MAP4: variants seen among roughly 807,000 people sequenced by gnomAD.
MAP4 encodes the protein microtubule associated protein 4.
Under a neutral mutation model 170.2 loss-of-function variants are expected in MAP4, and 76 were observed. That is an observed-to-expected ratio of 0.45 (90% CI 0.37 to 0.54). MAP4 has a LOEUF of 0.54. Among genes scored for constraint, MAP4 ranks in the 20% least tolerant of loss-of-function variants. The pLI, the probability that MAP4 is intolerant of heterozygous loss-of-function variation, is 0.00. For synonymous variants in MAP4, 909 were observed against 994.5 expected (o/e 0.91, Z 1.62); for missense variants, 2,506 against 2,748.0 (o/e 0.91, Z 1.97).
chr3:47,852,688 TGA>T lies in MAP4; in HGVS notation c.*244_*245del. On this transcript the variant is annotated 3_prime_UTR_variant, in exon 21 of 21. Coordinates refer to ENST00000683076, the MANE Select transcript of MAP4 (RefSeq NM_001385682.1). The stretch of plus-strand genomic sequence containing the variant: ...AGGGAGATGGGCCCAGGCTGGGGAG[TGA>T]GAGGAGGTGTGGGGCAGGGCTGCTG... 7.1e-7 allele frequency: 1 copy of T among 1,399,170 alleles called. No homozygotes were observed. Among genetic ancestry groups the T allele is most frequent in the Non-Finnish European group, 9.5e-7 (1 of 1,051,672 alleles). The allele number at this position is 1,399,170 out of a possible 1,614,324, so 86.7% of individuals were successfully genotyped here. A position where few individuals can be genotyped will look rare whatever the true frequency, so the allele number is the denominator to read the frequency against.
intron 3 of MAP4, among the ~76,000 whole-genome samples, chr3:47,932,708 T>A (rs939708088): frequency 6.6e-6 from 1 of 152,224 alleles, no homozygotes; most frequent in Non-Finnish European, 1.5e-5. Context: ...TCATCTGGCA[T>A]TTGTATGTTT....
At chr3:48,055,188 C>CTCCG (rs1559867127) in intron 1 of MAP4, among the ~76,000 whole-genome samples, 47 of 64,594 alleles carry the variant, frequency 7.3e-4, no homozygotes, top group South Asian at 2.3e-3. Context: ...CTCCCTCTCC[C>CTCCG]TCTCCCTCTC....
rs188579233 is a variant in MAP4, at chr3:48,084,940, C to A, written c.-20+3833G>T. Among the ~76,000 whole-genome samples the A allele has an allele frequency of 1.1e-3, 168 of 152,046 alleles. 1 individual carries two copies. Among genetic ancestry groups the A allele is most frequent in the Admixed American group, 2.8e-3 (42 of 15,228 alleles). On this transcript the variant is annotated intron_variant, in intron 1 of 18. Coordinates refer to the MAP4 transcript ENST00000360240. Reference sequence around the variant, plus strand: ...TACAGGCATGAGCCACCCAGCCCTACAATCCCCCTTCTTAACCTTAATTGT... The same window carrying A: ...TACAGGCATGAGCCACCCAGCCCTAAAATCCCCCTTCTTAACCTTAATTGT...
intron 8 of MAP4, among the ~76,000 whole-genome samples, chr3:47,913,056 A>G (rs898080243): frequency 6.6e-6 from 1 of 152,230 alleles, no homozygotes; most frequent in Non-Finnish European, 1.5e-5. Flanking sequence ...TGAAAGACAA[A>G]TATGTTAAAT....
Position 47,935,514 on chromosome 3 carries a change from C to T in MAP4, c.293-7164G>A, listed in dbSNP as rs570049956. ...AGGGAAACCCACCCCTAGGAACCATCCCATTCCTCTATTTGGTCCTGGTGT... is the reference window on the plus strand; with the variant it reads ...AGGGAAACCCACCCCTAGGAACCATTCCATTCCTCTATTTGGTCCTGGTGT... On this transcript the variant is annotated intron_variant, in intron 3 of 20. Transcript: ENST00000683076. 3.4e-4 allele frequency among the ~76,000 whole-genome samples: 52 copies of T among 152,282 alleles called. No individual in the cohort carries two copies. In the South Asian group the frequency reaches 0.011, roughly 31 times the overall value.
intron 3 of MAP4, chr3:47,973,639 C>T: frequency 1.0e-6 from 1 of 985,326 alleles, no homozygotes; most frequent in Admixed American, 6.1e-5. Context: ...AAATGTCAAT[C>T]ATGAAGTGTG....
At chr3:47,903,039 G>T in intron 9 of MAP4, 39 bp from the exon 10 acceptor site, 2 of 928,074 alleles carry the variant, frequency 2.2e-6, no homozygotes, top group Non-Finnish European at 2.6e-6. Flanking sequence ...AAGAAGACCA[G>T]GCTTCACTAT....
chr3:47,953,081 A>G (rs1160737645), intron 3 of MAP4, among the ~76,000 whole-genome samples: 1 of 152,210 alleles, frequency 6.6e-6, no homozygotes, highest in Non-Finnish European at 1.5e-5. Flanking sequence ...GGTTGATTGC[A>G]AAGGGGCAGG....
At chr3:48,041,774 T>C (rs1319268415) in intron 1 of MAP4, among the ~76,000 whole-genome samples, 1 of 152,142 alleles carries the variant, frequency 6.6e-6, no homozygotes, top group Non-Finnish European at 1.5e-5. Flanking sequence ...CTAAAATTCA[T>C]ATGGAAATTC....
chr3:47,984,638 C>G (rs1025293157), intron 2 of MAP4, among the ~76,000 whole-genome samples: 6 of 151,272 alleles, frequency 4.0e-5, no homozygotes, highest in African/African-American at 9.7e-5. Flanking sequence ...TCAAGACCAG[C>G]CTGGGTAACA....
chr3:47,955,140 C>T (rs776228689), intron 3 of MAP4, among the ~76,000 whole-genome samples: 1 of 152,146 alleles, frequency 6.6e-6, no homozygotes, highest in Non-Finnish European at 1.5e-5. Context: ...ATCATAAACT[C>T]GTGGACTATC....
intron 3 of MAP4, chr3:47,974,271 C>T (rs1036419142): frequency 2.9e-5 from 10 of 344,396 alleles, no homozygotes; most frequent in African/African-American, 2.2e-4. Context: ...ACTAAAAATA[C>T]AAAAATTAGC....
chr3:48,003,573 CT>C (rs74565043), intron 1 of MAP4, among the ~76,000 whole-genome samples: 3,762 of 152,092 alleles, frequency 0.025, 176 homozygotes, highest in East Asian at 0.12. Context: ...TTCTCGAAAT[CT>C]GCTTGAGCTT....
intron 1 of MAP4, among the ~76,000 whole-genome samples, chr3:48,040,265 T>C (rs898465596): frequency 6.6e-6 from 1 of 152,056 alleles, no homozygotes; most frequent in African/African-American, 2.4e-5. Flanking sequence ...TATTATTTAT[T>C]TTTATTTTTT....
intron 1 of MAP4, among the ~76,000 whole-genome samples, chr3:48,055,182 CTCTCCCTCTCCCTCTCCG>C (rs1366924637): frequency 0.2 from 15,979 of 81,624 alleles, 906 homozygotes; most frequent in Non-Finnish European, 0.22. Flanking sequence ...AAAAGTCTCC[CTCTCCCTCTCCCTCTCCG>C]TCTCCGTCTC....
chr3:47,914,773 C>A (rs1462376765), intron 8 of MAP4, 44 bp downstream of exon 8: 2 of 1,612,112 alleles, frequency 1.2e-6, no homozygotes, highest in African/African-American at 1.3e-5. Context: ...TACTCTATCG[C>A]CCCTAATTTG....
intron 3 of MAP4, among the ~76,000 whole-genome samples, chr3:47,946,365 A>G (rs1423247523): frequency 6.6e-6 from 1 of 151,752 alleles, no homozygotes; most frequent in African/African-American, 2.4e-5. Context: ...TAAAATAAAC[A>G]ACTATTGGCT....
chr3:47,956,337 AAG>A (rs1047154318), intron 3 of MAP4, among the ~76,000 whole-genome samples: 5 of 82,630 alleles, frequency 6.1e-5, no homozygotes, highest in African/African-American at 1.8e-4. Flanking sequence ...GAAAAAACTC[AAG>A]TCTGGTTTAC....
intron 1 of MAP4, among the ~76,000 whole-genome samples, chr3:48,004,970 C>A (rs1413358377): frequency 6.6e-6 from 1 of 152,158 alleles, no homozygotes; most frequent in Admixed American, 6.5e-5. Flanking sequence ...AAGGTACCTG[C>A]AACACCCATT....
Sources: allele counts gnomAD v4.1 joint callset (sites outside exome capture counted in the v4.1 genomes callset), GRCh38; gene constraint gnomAD v4.1.1; transcripts MANE v1.5; gene names NCBI Gene and HGNC (gene_info 2026-07-23, HGNC 2026-07-21).